Variants in PRR16 observed in about 807,000 individuals in gnomAD.
The protein encoded by PRR16 is proline rich 16.
In PRR16, 6 loss-of-function variants were observed where a neutral mutation model predicts 18.2. The observed-to-expected ratio is 0.33, with a 90% CI of 0.18 to 0.65. The LOEUF (loss-of-function observed/expected upper bound fraction) is 0.65, where lower values mean the gene tolerates loss of function less well. PRR16 is among the 30% of genes least tolerant of loss of function. PRR16 has a pLI of 0.74. For missense variants in PRR16, 412 were observed against 376.6 expected, an observed-to-expected ratio of 1.09 and a Z score of -0.78; for synonymous variants, 151 against 147.8, an observed-to-expected ratio of 1.02 and a Z score of -0.16.
chr5:120,736,537 CTTTTTTTTTTTTT>C, the PRR16 span, among the ~76,000 whole-genome samples: 10 of 54,022 alleles, frequency 1.9e-4, no homozygotes, highest in African/African-American at 3.1e-4. Context: ...AGTGTAAAGG[CTTTTTTTTTTTTT>C]TTTTTTTTTT....
the PRR16 span, among the ~76,000 whole-genome samples, chr5:120,703,329 C>T: frequency 1.3e-5 from 2 of 152,216 alleles, no homozygotes; most frequent in Admixed American, 6.5e-5. Flanking sequence ...TTTTGTGATT[C>T]TCCAGTTACT....
At chr5:120,770,174 C>A in the PRR16 span, among the ~76,000 whole-genome samples, 2 of 151,898 alleles carry the variant, frequency 1.3e-5, no homozygotes, top group Admixed American at 1.3e-4. Context: ...TTGGAGTCAT[C>A]CCACTTCCGG....
the PRR16 span, among the ~76,000 whole-genome samples, chr5:120,779,062 C>G: frequency 6.6e-6 from 1 of 152,148 alleles, no homozygotes. Context: ...ATTCTTCCAG[C>G]ATGCCTCATT....
At chr5:120,754,539 G>A in the PRR16 span, among the ~76,000 whole-genome samples, 2 of 83,526 alleles carry the variant, frequency 2.4e-5, no homozygotes, top group African/African-American at 5.4e-5. Flanking sequence ...ATAATTATAT[G>A]TAATTATATA....
chr5:120,562,989 G>A (rs1752623132), intron 1 of PRR16, among the ~76,000 whole-genome samples: 1 of 152,044 alleles, frequency 6.6e-6, no homozygotes, highest in African/African-American at 2.4e-5. Flanking sequence ...AACTTCAAAT[G>A]ATTTTCTATT....
At chr5:120,778,013 A>G in the PRR16 span, among the ~76,000 whole-genome samples, 21 of 152,238 alleles carry the variant, frequency 1.4e-4, no homozygotes, top group Non-Finnish European at 2.9e-4. Context: ...GCACTTCGAT[A>G]GTGTAGTTTA....
chr5:120,510,682 GACTTCT>G (rs1750798574), intron 1 of PRR16, among the ~76,000 whole-genome samples: 1 of 152,120 alleles, frequency 6.6e-6, no homozygotes, highest in African/African-American at 2.4e-5. Context: ...TTACATAAAT[GACTTCT>G]ATTTACCATG....
chr5:120,720,520 C>T, the PRR16 span, among the ~76,000 whole-genome samples: 1 of 152,032 alleles, frequency 6.6e-6, no homozygotes, highest in Non-Finnish European at 1.5e-5. Flanking sequence ...CTAACATTCA[C>T]ATAACTGGTC....
intron 1 of PRR16, among the ~76,000 whole-genome samples, chr5:120,644,181 A>G (rs1363363818): frequency 2.0e-5 from 3 of 152,124 alleles, no homozygotes; most frequent in Non-Finnish European, 4.4e-5. Flanking sequence ...AGGAATGACT[A>G]TCTCATACTG....
chr5:120,550,460 C>T (rs998005288), intron 1 of PRR16, among the ~76,000 whole-genome samples: 1 of 152,018 alleles, frequency 6.6e-6, no homozygotes, highest in African/African-American at 2.4e-5. Flanking sequence ...TTTTAGAGAG[C>T]AGCTACACTC....
At chr5:120,475,654 T>G (rs1303637494) in intron 1 of PRR16, among the ~76,000 whole-genome samples, 1 of 152,076 alleles carries the variant, frequency 6.6e-6, no homozygotes. Context: ...GGAGGATCGC[T>G]TGAGCCCAGG....
chr5:120,773,073 T>G, the PRR16 span, among the ~76,000 whole-genome samples: 1 of 152,154 alleles, frequency 6.6e-6, no homozygotes, highest in African/African-American at 2.4e-5. Flanking sequence ...AACAAAGGAA[T>G]GTAATCTGTG....
chr5:120,735,664 T>TTGTTGC, the PRR16 span, among the ~76,000 whole-genome samples: 15 of 1,790 alleles, frequency 8.4e-3, no homozygotes, highest in Admixed American at 0.22. Flanking sequence ...ACTCATATTT[T>TTGTTGC]TGTTGTTGTT....
At chr5:120,615,384 CTTTTT>C (rs10717083) in intron 1 of PRR16, among the ~76,000 whole-genome samples, 2 of 119,486 alleles carry the variant, frequency 1.7e-5, no homozygotes, top group Non-Finnish European at 3.5e-5. Flanking sequence ...TCTTTCTTTT[CTTTTT>C]TTTTTTTTTT....
chr5:120,637,874 T>A (rs1210694592), intron 1 of PRR16, among the ~76,000 whole-genome samples: 3 of 152,126 alleles, frequency 2.0e-5, no homozygotes, highest in Non-Finnish European at 4.4e-5. Flanking sequence ...GATTCATTAA[T>A]TTTTGAATTC....
At chr5:120,731,683 C>T in the PRR16 span, among the ~76,000 whole-genome samples, 1 of 152,128 alleles carries the variant, frequency 6.6e-6, no homozygotes, top group Non-Finnish European at 1.5e-5. Flanking sequence ...TGCCCTAGAA[C>T]ATTAAAATAT....
At chr5:120,729,125 C>T in the PRR16 span, among the ~76,000 whole-genome samples, 2 of 152,084 alleles carry the variant, frequency 1.3e-5, no homozygotes, top group South Asian at 4.1e-4. Flanking sequence ...GTAAAACTTC[C>T]TCTAAGCTTC....
Position 120,581,844 on chromosome 5 carries a change from C to T in PRR16, c.160-104110C>T, listed in dbSNP as rs147379569. Among the ~76,000 whole-genome samples the T allele has an allele frequency of 3.9e-3, 588 of 152,174 alleles. 2 individuals carry two copies. The highest frequency in any genetic ancestry group is 0.014 in the African/African-American group (566 of 41,526). ...TGTGGTTTTGAGTGGGTTTCTTAAT[C>T]TTGAGTTCTAATATGATTTCACTGT... On this transcript the variant is annotated intron_variant, in intron 1 of 1. Coordinates refer to ENST00000407149, the MANE Select transcript of PRR16 (RefSeq NM_001300783.2).
intron 1 of PRR16, among the ~76,000 whole-genome samples, chr5:120,571,253 G>T (rs1752897149): frequency 6.6e-6 from 1 of 152,152 alleles, no homozygotes; most frequent in South Asian, 2.1e-4. Context: ...TTTAGTTTTT[G>T]CACAGATGCA....
Sources: gnomAD v4.1 joint callset for allele counts (sites outside exome capture counted in the v4.1 genomes callset) on GRCh38, gnomAD v4.1.1 for gene constraint, MANE v1.5 for transcripts, NCBI Gene and HGNC (gene_info 2026-07-23, HGNC 2026-07-21) for gene names.